Variants in PGM5 observed in about 807,000 individuals in gnomAD.
PGM5 encodes phosphoglucomutase 5, also known as phosphoglucomutase-like protein 5.
PGM5 carries 23 observed loss-of-function variants against 59.2 expected under a neutral mutation model. The ratio of observed to expected loss-of-function variants is 0.39; its 90% CI spans 0.28 to 0.55. The LOEUF is 0.55. PGM5 is among the 20% of genes least tolerant of loss of function. The probability of loss-of-function intolerance (pLI) is 0.66; values close to 1 mark genes in which losing one functional copy is unlikely to be tolerated. For missense variants in PGM5, 574 were observed against 748.3 expected, an observed-to-expected ratio of 0.77 and a Z score of 2.72; for synonymous variants, 214 against 286.0, an observed-to-expected ratio of 0.75 and a Z score of 2.54.
chr9:68,358,403 A>G (rs1472423997), intron 1 of PGM5, among the ~76,000 whole-genome samples: 2 of 152,108 alleles, frequency 1.3e-5, no homozygotes, highest in African/African-American at 4.8e-5. Context: ...TCCCAGGTCC[A>G]GCAGCATCTC....
chr9:68,478,481 A>G (rs910713362), intron 7 of PGM5, among the ~76,000 whole-genome samples: 1 of 152,218 alleles, frequency 6.6e-6, no homozygotes, highest in African/African-American at 2.4e-5. Flanking sequence ...TAGGGCTGTC[A>G]TAACAAATCA....
chr9:68,441,267 C>A (rs1460985476), intron 6 of PGM5, among the ~76,000 whole-genome samples: 3 of 151,840 alleles, frequency 2.0e-5, no homozygotes, highest in African/African-American at 7.3e-5. Context: ...GATGGAAAAT[C>A]CCCAACACAT....
chr9:68,425,218 A>G (rs1399076796), intron 6 of PGM5, among the ~76,000 whole-genome samples: 1 of 152,174 alleles, frequency 6.6e-6, no homozygotes, highest in Non-Finnish European at 1.5e-5. Flanking sequence ...AGGAGTGAGG[A>G]AAAAAAGAGC....
intron 9 of PGM5, among the ~76,000 whole-genome samples, chr9:68,489,810 G>T (rs1246323631): frequency 6.6e-6 from 1 of 152,178 alleles, no homozygotes; most frequent in Non-Finnish European, 1.5e-5. Context: ...CAGTTCAGCT[G>T]ATGGTTAAAA....
At chr9:68,407,219 C>T (rs1822839383) in intron 6 of PGM5, among the ~76,000 whole-genome samples, 1 of 152,136 alleles carries the variant, frequency 6.6e-6, no homozygotes, top group Admixed American at 6.5e-5. Flanking sequence ...CAATGAACTT[C>T]CAGGCTCAAG....
At chr9:68,524,440 A>G (rs1453100565) in intron 10 of PGM5, among the ~76,000 whole-genome samples, 3 of 152,220 alleles carry the variant, frequency 2.0e-5, no homozygotes, top group Non-Finnish European at 2.9e-5. Context: ...ACTGCTTCCT[A>G]CTGTTGACTG....
chr9:68,392,801 A>G (rs1289498429), intron 6 of PGM5, among the ~76,000 whole-genome samples: 14 of 152,160 alleles, frequency 9.2e-5, no homozygotes, highest in Non-Finnish European at 1.9e-4. Flanking sequence ...AACATTTAAC[A>G]TGGTGCCTGG....
At chr9:68,487,497 C>CACAA (rs1373187521) in intron 9 of PGM5, among the ~76,000 whole-genome samples, 7 of 148,562 alleles carry the variant, frequency 4.7e-5, no homozygotes, top group African/African-American at 1.3e-4. Flanking sequence ...CACACACACA[C>CACAA]AAATCAGGTG....
intron 7 of PGM5, 101 bp from the exon 8 acceptor site, chr9:68,479,317 T>G: frequency 9.2e-7 from 1 of 1,086,798 alleles, no homozygotes; most frequent in Non-Finnish European, 1.3e-6. Context: ...ATCCAATCAT[T>G]TCTACATAAC....
intron 6 of PGM5, among the ~76,000 whole-genome samples, chr9:68,443,490 A>G (rs560253855): frequency 1.3e-5 from 2 of 152,342 alleles, no homozygotes; most frequent in African/African-American, 4.8e-5. Context: ...CAAAAAGTCA[A>G]TTTCACTGTA....
intron 6 of PGM5, chr9:68,399,387 C>T (rs1309862705): frequency 2.0e-5 from 3 of 152,164 alleles, no homozygotes; most frequent in African/African-American, 7.2e-5. Flanking sequence ...TCAGATTGCA[C>T]TCCAGAATGC....
chr9:68,442,215 T>C (rs562212364), intron 6 of PGM5, among the ~76,000 whole-genome samples: 2 of 152,326 alleles, frequency 1.3e-5, no homozygotes, highest in African/African-American at 4.8e-5. Context: ...AAATTTATAT[T>C]GAAAGGCAAA....
intron 7 of PGM5, among the ~76,000 whole-genome samples, chr9:68,475,810 G>A (rs1824093481): frequency 6.6e-6 from 1 of 152,146 alleles, no homozygotes; most frequent in Non-Finnish European, 1.5e-5. Context: ...TGATCCTATT[G>A]TTCAACAATT....
In PGM5 at chr9:68,484,007, G is replaced by A. The variant is rs782632445; in HGVS notation, c.1438G>A (p.Glu480Lys). The A allele has an allele frequency of 1.4e-5, 22 of 1,613,794 alleles. 1 individual carries two copies. In the South Asian group the frequency reaches 2.3e-4, roughly 17 times the overall value. The change falls in exon 9 of 11, where the codon GAA (glutamate) becomes AAA (lysine). Residue 480 changes from glutamate (E) to lysine (K), a missense_variant. Physicochemically the swap from Glu to Lys is moderately conservative, Grantham distance 56. This residue lies in a region of PGM5 where 300 missense variants were observed against 280.0 expected (regional missense o/e 1.07). Coordinates refer to ENST00000396396, the MANE Select transcript of PGM5 (RefSeq NM_021965.4). ...CAGCGTGGCGAAGACGGATAGTTTTGAATACGTGGACCCTGTGGATGGCAC... is the reference window on the plus strand; with the variant it reads ...CAGCGTGGCGAAGACGGATAGTTTTAAATACGTGGACCCTGTGGATGGCAC... ...VYSVAKTDSF[E>K]YVDPVDGTVT... is the part of the protein sequence containing the mutation.
chr9:68,508,765 C>G (rs749222966), intron 10 of PGM5, among the ~76,000 whole-genome samples: 22 of 152,188 alleles, frequency 1.4e-4, no homozygotes, highest in Non-Finnish European at 3.1e-4. Flanking sequence ...TTCCCAGCAG[C>G]CTTTTTGTTC....
In PGM5 at chr9:68,499,308, CTG is replaced by C. The variant is rs1180491486; in HGVS notation, c.1563_1564del (p.Tyr522ArgfsTer12). On this transcript the variant is annotated frameshift_variant, in exon 10 of 11. Coordinates refer to ENST00000396396, the MANE Select transcript of PGM5 (RefSeq NM_021965.4). LOFTEE classifies it high-confidence loss of function. ...SSSGVRATLR[L>X]YAESYERDPS... ...CAGTGGTGTGCGGGCCACCCTCAGACTGTACGCAGAGAGCTACGAGAGGGATC... is the reference window on the plus strand; with the variant it reads ...CAGTGGTGTGCGGGCCACCCTCAGACTACGCAGAGAGCTACGAGAGGGATC... The C allele has an allele frequency of 6.2e-7, 1 of 1,614,190 alleles. No homozygotes were observed. The highest frequency in any genetic ancestry group is 1.7e-5 in the Admixed American group (1 of 60,026).
chr9:68,505,316 T>C (rs553727667), intron 10 of PGM5, among the ~76,000 whole-genome samples: 18 of 152,164 alleles, frequency 1.2e-4, no homozygotes, highest in Non-Finnish European at 2.1e-4. Context: ...CTCAGATCAA[T>C]CAATTCTGTG....
chr9:68,378,302 G>A lies in PGM5; in HGVS notation c.365G>A (p.Ser122Asn). The change falls in exon 2 of 11, where the codon AGC becomes AAC. Residue 122 changes from serine to asparagine, a missense_variant. By Grantham distance (46) the Ser-to-Asn change is conservative (BLOSUM62 1). Coordinates refer to ENST00000396396, the MANE Select transcript of PGM5 (RefSeq NM_021965.4). The part of the protein sequence containing the change: ...KAAGGIILTA[S>N]HCPGGPGGEF... ...GCTGGTGGAATCATTCTAACAGCCA[G>A]CCACTGCCCTGGAGGACCAGGGGGA... 6.3e-7 allele frequency: 1 copy of A among 1,595,718 alleles called. No homozygotes were observed. Among genetic ancestry groups the A allele is most frequent in the Non-Finnish European group, 8.5e-7 (1 of 1,172,390 alleles).
intron 6 of PGM5, among the ~76,000 whole-genome samples, chr9:68,393,415 T>C (rs1458467211): frequency 6.6e-6 from 1 of 152,070 alleles, no homozygotes; most frequent in African/African-American, 2.4e-5. Context: ...GCTTGTAACC[T>C]GCTTTTTCTT....
Sources: allele counts gnomAD v4.1 joint callset (sites outside exome capture counted in the v4.1 genomes callset), GRCh38; gene constraint gnomAD v4.1.1; regional missense constraint gnomAD v4.1.1; transcripts MANE v1.5; gene names NCBI Gene and HGNC (gene_info 2026-07-23, HGNC 2026-07-21).